The following XPO6 variants were observed in gnomAD, a reference collection of about 807,000 sequenced individuals.
XPO6 encodes exportin 6.
In XPO6, 3 loss-of-function variants were observed where a neutral mutation model predicts 130.0. The ratio of observed to expected loss-of-function variants is 0.02; its 90% CI spans 0.01 to 0.06. XPO6 has a LOEUF of 0.06. Among genes scored for constraint, XPO6 ranks in the 10% least tolerant of loss-of-function variants. The pLI, the probability that XPO6 is intolerant of heterozygous loss-of-function variation, is 1.00. For missense variants in XPO6, 970 were observed against 1,393.0 expected (o/e 0.70, Z 4.83); for synonymous variants, 524 against 548.9 (o/e 0.95, Z 0.63).
In XPO6 at chr16:28,133,465, G is replaced by A. The variant is rs887518951; in HGVS notation, c.1536+376C>T. Among the ~76,000 whole-genome samples, 8 of 152,156 alleles carry A rather than the reference G, an allele frequency of 5.3e-5. No homozygotes were observed. In the South Asian group the frequency reaches 6.2e-4, roughly 12 times the overall value. On this transcript the variant is annotated intron_variant, in intron 11 of 23. Transcript: ENST00000304658. ...TCCTTACAACTAAAGATTCCAGCACGTATAGACACACGCAGAGAAAGCTAG... is the reference window on the plus strand; with the variant it reads ...TCCTTACAACTAAAGATTCCAGCACATATAGACACACGCAGAGAAAGCTAG...
chr16:28,197,199 C>G (rs1049703434), intron 1 of XPO6, among the ~76,000 whole-genome samples: 2 of 152,054 alleles, frequency 1.3e-5, no homozygotes, highest in African/African-American at 4.8e-5. Flanking sequence ...TTGCAGTGAG[C>G]TGAGATCACG....
chr16:28,108,899 AGGAAGACGCTTC>A (rs777985901), intron 17 of XPO6, among the ~76,000 whole-genome samples: 16 of 152,224 alleles, frequency 1.1e-4, no homozygotes, highest in Non-Finnish European at 2.2e-4. Flanking sequence ...CTGAGGATGA[AGGAAGACGCTTC>A]TCGCCACAGG....
intron 11 of XPO6, 151 bp downstream of exon 11, chr16:28,133,690 G>T: frequency 1.4e-6 from 1 of 699,380 alleles, no homozygotes; most frequent in Admixed American, 3.0e-5. Context: ...TATTTGTTCA[G>T]TTTGAGCATC....
chr16:28,174,328 C>T (rs376774056), intron 4 of XPO6, among the ~76,000 whole-genome samples: 3 of 152,128 alleles, frequency 2.0e-5, no homozygotes, highest in African/African-American at 4.8e-5. Context: ...AAGCCTTCTA[C>T]GAGCATCCCA....
chr16:28,139,316 A>C (rs1308149438), intron 9 of XPO6, among the ~76,000 whole-genome samples: 1 of 152,244 alleles, frequency 6.6e-6, no homozygotes, highest in Non-Finnish European at 1.5e-5. Context: ...AGAATCTGCC[A>C]GCATCTTGAA....
intron 3 of XPO6, among the ~76,000 whole-genome samples, chr16:28,176,784 C>T (rs1320871507): frequency 1.3e-5 from 2 of 151,996 alleles, no homozygotes; most frequent in African/African-American, 4.8e-5. Flanking sequence ...GCTGGGATTA[C>T]AGGCATGAGC....
intron 6 of XPO6, 123 bp from the exon 7 acceptor site, chr16:28,156,650 A>G (rs2043189251): frequency 1.7e-6 from 1 of 571,896 alleles, no homozygotes; most frequent in South Asian, 6.9e-5. Context: ...TTAGTTACCT[A>G]TGAAATAAAA....
chr16:28,127,507 G>A (rs770770402), intron 12 of XPO6, among the ~76,000 whole-genome samples: 21 of 152,120 alleles, frequency 1.4e-4, no homozygotes, highest in Non-Finnish European at 2.9e-4. Flanking sequence ...CAGAACAGAC[G>A]GCAAACTAGA....
chr16:28,135,376 T>C, intron 9 of XPO6, 52 bp from the exon 10 acceptor site: 4 of 1,468,988 alleles, frequency 2.7e-6, no homozygotes, highest in Non-Finnish European at 3.8e-6. Context: ...AGCTTAGAAT[T>C]TGGAAAATGC....
At chr16:28,205,853 C>A (rs903222459) in intron 1 of XPO6, among the ~76,000 whole-genome samples, 1 of 151,982 alleles carries the variant, frequency 6.6e-6, no homozygotes, top group African/African-American at 2.4e-5. Context: ...GCCTGGCCAA[C>A]ATAGTGAAAC....
At chr16:28,191,433 C>T (rs1250572591) in intron 1 of XPO6, among the ~76,000 whole-genome samples, 1 of 152,200 alleles carries the variant, frequency 6.6e-6, no homozygotes, top group African/African-American at 2.4e-5. Context: ...ATGTTTATAT[C>T]TGCATGCCTA....
chr16:28,129,743 T>G (rs1388096729), intron 12 of XPO6, among the ~76,000 whole-genome samples: 1 of 152,176 alleles, frequency 6.6e-6, no homozygotes, highest in Non-Finnish European at 1.5e-5. Flanking sequence ...ACAAACAATT[T>G]AAGTCTAAAA....
intron 1 of XPO6, chr16:28,183,309 T>C (rs2043646043): frequency 1.3e-5 from 2 of 151,884 alleles, no homozygotes; most frequent in African/African-American, 4.8e-5. Flanking sequence ...CTCCTAAGAA[T>C]CCCAGATGGG....
chr16:28,126,101 T>C (rs2141274057), intron 12 of XPO6, among the ~76,000 whole-genome samples: 1 of 152,304 alleles, frequency 6.6e-6, no homozygotes, highest in East Asian at 1.9e-4. Flanking sequence ...GCCTGGAGTG[T>C]GCTAACGTGG....
At chr16:28,107,398 G>T in intron 18 of XPO6, 124 bp downstream of exon 18, 2 of 1,167,850 alleles carry the variant, frequency 1.7e-6, no homozygotes, top group Admixed American at 4.2e-5. Context: ...TCAGTACCGG[G>T]TTTCGTTGCA....
chr16:28,164,187 C>G (rs765438093), intron 6 of XPO6, among the ~76,000 whole-genome samples: 3 of 150,260 alleles, frequency 2.0e-5, no homozygotes, highest in Non-Finnish European at 4.4e-5. Flanking sequence ...GGCAGGAGAG[C>G]CCCACAGGGG....
At chr16:28,150,285 G>A (rs1203449727) in intron 8 of XPO6, among the ~76,000 whole-genome samples, 1 of 152,152 alleles carries the variant, frequency 6.6e-6, no homozygotes, top group Non-Finnish European at 1.5e-5. Flanking sequence ...GTACAGAGAG[G>A]AGGAAAGAAG....
At chr16:28,152,919 G>A (rs1334776117) in intron 7 of XPO6, 134 bp from the exon 8 acceptor site, 2 of 1,396,106 alleles carry the variant, frequency 1.4e-6, no homozygotes, top group African/African-American at 1.5e-5. Context: ...ATAAAGGCCT[G>A]CAACAATTAC....
At chr16:28,103,112 C>T (rs1283758001) in intron 21 of XPO6, among the ~76,000 whole-genome samples, 1 of 152,164 alleles carries the variant, frequency 6.6e-6, no homozygotes, top group African/African-American at 2.4e-5. Flanking sequence ...ACCATCACAA[C>T]CAAGACAGGA....
Sources: gnomAD v4.1 joint callset for allele counts (sites outside exome capture counted in the v4.1 genomes callset) on GRCh38, gnomAD v4.1.1 for gene constraint, MANE v1.5 for transcripts, NCBI Gene and HGNC (gene_info 2026-07-23, HGNC 2026-07-21) for gene names.